CTTNBP2: variants seen among roughly 807,000 people sequenced by gnomAD.
CTTNBP2 encodes the protein cortactin-binding protein 2.
CTTNBP2 carries 108 observed loss-of-function variants against 156.9 expected under a neutral mutation model. The observed-to-expected ratio is 0.69, with a 90% CI of 0.59 to 0.81. The LOEUF is 0.81. Among genes scored for constraint, CTTNBP2 ranks in the 30% least tolerant of loss-of-function variants. The pLI, the probability that CTTNBP2 is intolerant of heterozygous loss-of-function variation, is 0.00. For missense variants in CTTNBP2, 1,924 were observed against 2,035.4 expected, an observed-to-expected ratio of 0.95 and a Z score of 1.05; for synonymous variants, 767 against 751.8, an observed-to-expected ratio of 1.02 and a Z score of -0.33.
chr7:117,848,069 G>C (rs183610797), intron 2 of CTTNBP2, among the ~76,000 whole-genome samples: 2 of 151,762 alleles, frequency 1.3e-5, no homozygotes, highest in Admixed American at 1.3e-4. Context: ...CACCCACCTC[G>C]GCCTCCCAAA....
rs757322418 is a variant in CTTNBP2, at chr7:117,725,230, G to A, written c.4083C>T (p.Val1361=). Residue 1361 remains valine (V), a synonymous_variant, in exon 18 of 23, where the codon GTC becomes GTT. Transcript: ENST00000160373. The stretch of plus-strand genomic sequence containing the variant: ...TTGCTTCTTGAACTCTGGGTGCGAT[G>A]ACGCCATTCCACAGCTTAGACATCC... ...VKWMSKLWNG[V]IAPRVQEAIL... 162 of 1,613,988 alleles carry A rather than the reference G, an allele frequency of 1.0e-4. No individual in the cohort carries two copies. Among genetic ancestry groups the A allele is most frequent in the Non-Finnish European group, 1.3e-4 (151 of 1,179,998 alleles).
At chr7:117,837,375 A>G (rs1215725061) in intron 2 of CTTNBP2, among the ~76,000 whole-genome samples, 2 of 152,134 alleles carry the variant, frequency 1.3e-5, no homozygotes, top group Admixed American at 1.3e-4. Context: ...CATTCTTTGC[A>G]TATTTTTTTC....
chr7:117,760,608 A>T lies in CTTNBP2; in HGVS notation c.2999T>A (p.Ile1000Asn), dbSNP rs755337131. 1 of 1,614,124 alleles carries T rather than the reference A, an allele frequency of 6.2e-7. No homozygotes were observed. The highest frequency in any genetic ancestry group is 8.5e-7 in the Non-Finnish European group (1 of 1,179,980). Residue 1000 changes from isoleucine to asparagine, a missense_variant, in exon 10 of 23, where the codon ATC becomes AAC. By Grantham distance (149) the Ile-to-Asn change is moderately radical. Coordinates refer to ENST00000160373, the MANE Select transcript of CTTNBP2 (RefSeq NM_033427.3). Reference protein sequence around the residue: ...ECENTICALNIRKQTSWDDFS... With the variant: ...ECENTICALNNRKQTSWDDFS... ...ATCATCCCATGATGTCTGTTTGCGG[A>T]TATTTAAAGCACATATTGTGTTTTC...
intron 2 of CTTNBP2, among the ~76,000 whole-genome samples, chr7:117,823,530 T>C (rs115997445): frequency 0.011 from 1,734 of 152,358 alleles, 41 homozygotes; most frequent in African/African-American, 0.04. Context: ...TTGAATAAAA[T>C]TGCTAAAGCA....
At position 117,757,047 on chromosome 7, in the gene CTTNBP2, A is replaced by C. The variant is rs554310744; in HGVS notation, c.3269-413T>G. Among the ~76,000 whole-genome samples the C allele has an allele frequency of 3.9e-4, 59 of 152,350 alleles. 3 individuals are homozygous for C. The highest frequency in any genetic ancestry group is 2.9e-5 in the Non-Finnish European group (2 of 68,040). ...GAAAGCTTTAGCCTTGGCCACCGTT[A>C]GGTCCACTGGCAATACTCGCCACCC... On this transcript the variant is annotated intron_variant, in intron 11 of 22. Coordinates refer to ENST00000160373, the MANE Select transcript of CTTNBP2 (RefSeq NM_033427.3).
intron 9 of CTTNBP2, among the ~76,000 whole-genome samples, chr7:117,762,410 G>A (rs1035670396): frequency 6.6e-6 from 1 of 152,182 alleles, no homozygotes; most frequent in Non-Finnish European, 1.5e-5. Flanking sequence ...CAGTTGGTCA[G>A]ACTGAACACC....
intron 21 of CTTNBP2, among the ~76,000 whole-genome samples, chr7:117,718,761 C>T (rs1794610630): frequency 6.6e-6 from 1 of 152,112 alleles, no homozygotes; most frequent in Non-Finnish European, 1.5e-5. Context: ...TTCTCATTTG[C>T]AAAGAAAGTT....
At chr7:117,812,252 T>C (rs1046939907) in intron 2 of CTTNBP2, among the ~76,000 whole-genome samples, 1 of 152,126 alleles carries the variant, frequency 6.6e-6, no homozygotes, top group African/African-American at 2.4e-5. Context: ...AACATTTTCC[T>C]AATTCAGGTC....
In CTTNBP2 at chr7:117,791,684, T is replaced by G. The variant is rs761230759; in HGVS notation, c.1512A>C (p.Ala504=). The change falls in exon 4 of 23, where the codon GCA becomes GCC. Residue 504 remains alanine (A), a synonymous_variant. Coordinates refer to ENST00000160373, the MANE Select transcript of CTTNBP2 (RefSeq NM_033427.3). ...GCACTCCAGGCCTTGAGGGAGCACC[T>G]GCTTGAGGGCTTGTAAATCTTGACA... The part of the protein sequence containing the change: ...QALSRFTSPQ[A]GAPSRPGVPP... 7 of 1,614,096 alleles carry G rather than the reference T, an allele frequency of 4.3e-6. No individual in the cohort carries two copies. In the South Asian group the frequency reaches 7.7e-5, roughly 18 times the overall value.
intron 8 of CTTNBP2, among the ~76,000 whole-genome samples, chr7:117,770,472 TAAC>T (rs1797741574): frequency 6.6e-6 from 1 of 152,178 alleles, no homozygotes; most frequent in Non-Finnish European, 1.5e-5. Flanking sequence ...CACTGACACT[TAAC>T]AACAACAGCT....
At chr7:117,732,538 T>C (rs1795458254) in intron 16 of CTTNBP2, among the ~76,000 whole-genome samples, 3 of 150,722 alleles carry the variant, frequency 2.0e-5, no homozygotes, top group African/African-American at 7.3e-5. Flanking sequence ...TAGTTCCAGC[T>C]ACTCAGGAGG....
chr7:117,804,091 T>C (rs540404707), intron 3 of CTTNBP2, among the ~76,000 whole-genome samples: 12 of 152,170 alleles, frequency 7.9e-5, no homozygotes, highest in African/African-American at 2.4e-4. Context: ...GCCTCCTGAG[T>C]AGCTAGGACT....
intron 8 of CTTNBP2, among the ~76,000 whole-genome samples, chr7:117,767,518 T>C (rs1489217177): frequency 6.6e-6 from 1 of 152,234 alleles, no homozygotes; most frequent in Non-Finnish European, 1.5e-5. Context: ...CCTTTTATGG[T>C]AATTTGGCAA....
Position 117,767,146 on chromosome 7 carries a change from C to T in CTTNBP2, c.2809G>A (p.Gly937Arg), listed in dbSNP as rs1316957193. 6.2e-7 allele frequency: 1 copy of T among 1,611,220 alleles called. No homozygotes were observed. The highest frequency in any genetic ancestry group is 8.5e-7 in the Non-Finnish European group (1 of 1,177,566). ...TTGTCTCTCCTTTCTGGCTCAAGCC[C>T]TCCGTGCCTACACAAGATTTCTAGG... The part of the protein sequence containing the change: ...NCLEILCRHG[G>R]LEPERRDKCN... The change falls in exon 9 of 23, where the codon GGG becomes AGG. Residue 937 changes from glycine (G) to arginine (R), a missense_variant. By Grantham distance (125) the Gly-to-Arg change is moderately radical. Coordinates refer to ENST00000160373, the MANE Select transcript of CTTNBP2 (RefSeq NM_033427.3).
intron 9 of CTTNBP2, among the ~76,000 whole-genome samples, chr7:117,766,081 C>T (rs1797469245): frequency 6.6e-6 from 1 of 152,114 alleles, no homozygotes; most frequent in African/African-American, 2.4e-5. Flanking sequence ...TAAATGACAG[C>T]ATTTACATTC....
intron 1 of CTTNBP2, among the ~76,000 whole-genome samples, chr7:117,871,335 C>A (rs1176515163): frequency 6.6e-6 from 1 of 152,042 alleles, no homozygotes; most frequent in Admixed American, 6.5e-5. Context: ...AAATAAAAGG[C>A]CCAATTTACT....
rs763133574 is a variant in CTTNBP2 at position 117,810,939 on chromosome 7, T to G, written c.240A>C (p.Leu80=). The G allele has an allele frequency of 6.2e-7, 1 of 1,614,130 alleles. No individual in the cohort carries two copies. Among genetic ancestry groups the G allele is most frequent in the Non-Finnish European group, 8.5e-7 (1 of 1,180,022 alleles). ...FIQERYGRFN[L]NDPFLALQRD... is the part of the protein sequence containing the mutation. ...TCTGGAGTGCCAGGAACGGGTCATT[T>G]AGATTAAATCTCCCATACCGTTCCT... Residue 80 remains leucine (L), a synonymous_variant, in exon 3 of 23, where the codon CTA becomes CTC. Coordinates refer to ENST00000160373, the MANE Select transcript of CTTNBP2 (RefSeq NM_033427.3).
At chr7:117,798,159 T>C (rs183149910) in intron 3 of CTTNBP2, among the ~76,000 whole-genome samples, 4 of 152,068 alleles carry the variant, frequency 2.6e-5, no homozygotes, top group East Asian at 1.9e-4. Flanking sequence ...ACAGGAAAAA[T>C]AGACAAATCT....
intron 20 of CTTNBP2, among the ~76,000 whole-genome samples, chr7:117,720,045 T>A (rs1022391884): frequency 3.9e-5 from 6 of 152,188 alleles, no homozygotes; most frequent in Admixed American, 3.9e-4. Flanking sequence ...ACACCTCAGT[T>A]CCTGGGTTCC....
Sources: allele counts gnomAD v4.1 joint callset (sites outside exome capture counted in the v4.1 genomes callset), GRCh38; gene constraint gnomAD v4.1.1; transcripts MANE v1.5; gene names NCBI Gene and HGNC (gene_info 2026-07-23, HGNC 2026-07-21).